GSE1: variants seen among roughly 807,000 people sequenced by gnomAD.
The protein encoded by GSE1 is Gse1 coiled-coil protein, also known as genetic suppressor element 1.
A neutral mutation model predicts 112.6 loss-of-function variants in GSE1; 32 were observed. That is an observed-to-expected ratio of 0.28 (90% CI 0.21 to 0.38). The LOEUF is 0.38. Among genes scored for constraint, GSE1 ranks in the 10% least tolerant of loss-of-function variants. GSE1 has a pLI of 1.00. For synonymous variants in GSE1, 1,115 were observed against 735.6 expected, an observed-to-expected ratio of 1.52 and a Z score of -8.35; for missense variants, 2,348 against 1,699.2, an observed-to-expected ratio of 1.38 and a Z score of -6.71.
intron 1 of GSE1, among the ~76,000 whole-genome samples, chr16:85,228,203 G>T (rs560402851): frequency 1.3e-5 from 2 of 152,258 alleles, no homozygotes; most frequent in Non-Finnish European, 2.9e-5. Flanking sequence ...CACTTGGCTC[G>T]CAGTGAAACA....
At chr16:85,249,223 G>C (rs1202124611) in intron 1 of GSE1, among the ~76,000 whole-genome samples, 1 of 152,242 alleles carries the variant, frequency 6.6e-6, no homozygotes, top group African/African-American at 2.4e-5. Context: ...CAGTAGCCCA[G>C]TATACCCAGC....
At chr16:85,267,701 C>G (rs561295101) in intron 1 of GSE1, among the ~76,000 whole-genome samples, 1 of 152,262 alleles carries the variant, frequency 6.6e-6, no homozygotes, top group South Asian at 2.1e-4. Flanking sequence ...TTTCCCTGAC[C>G]CCTGGGTTGT....
At chr16:85,364,990 G>A (rs977584258) in intron 2 of GSE1, among the ~76,000 whole-genome samples, 1 of 152,214 alleles carries the variant, frequency 6.6e-6, no homozygotes, top group Admixed American at 6.5e-5. Flanking sequence ...GGCTGTCTTC[G>A]AGGCTGTCTT....
At chr16:85,215,203 T>G (rs2075288589) in intron 1 of GSE1, among the ~76,000 whole-genome samples, 1 of 152,220 alleles carries the variant, frequency 6.6e-6, no homozygotes, top group South Asian at 2.1e-4. Context: ...CCCTGTGATT[T>G]GGGTCATTTA....
chr16:85,248,152 G>A (rs940242005), intron 1 of GSE1, among the ~76,000 whole-genome samples: 4 of 152,198 alleles, frequency 2.6e-5, no homozygotes, highest in Non-Finnish European at 5.9e-5. Context: ...TGCTCATCTT[G>A]TGGGGACCCC....
chr16:85,289,726 G>A lies in GSE1; in HGVS notation c.2284-67737G>A, dbSNP rs547382845. 1.1e-4 allele frequency among the ~76,000 whole-genome samples: 17 copies of A among 152,304 alleles called. No homozygotes were observed. The South Asian group carries it at 3.3e-3, about 30-fold the overall frequency. Reference sequence around the variant, plus strand: ...AGGCAACTCACGTTTGCTGGTGAAGGACATGGCAAGGTCCTGGGGCAGTCG... The same window carrying A: ...AGGCAACTCACGTTTGCTGGTGAAGAACATGGCAAGGTCCTGGGGCAGTCG... On this transcript the variant is annotated intron_variant, in intron 1 of 2. Transcript: ENST00000637419.
chr16:85,597,584 C>G (rs2151465772), intron 1 of GSE1, among the ~76,000 whole-genome samples: 1 of 152,192 alleles, frequency 6.6e-6, no homozygotes, highest in Admixed American at 6.5e-5. Context: ...ATCCTCCCAC[C>G]TCAGCCTCCC....
In GSE1 at chr16:85,665,167, C is replaced by T. The variant is rs2151979775; in HGVS notation, c.2758+39C>T. The T allele has an allele frequency of 3.2e-6, 4 of 1,254,776 alleles. No homozygotes were observed. In the South Asian group the frequency reaches 3.6e-5, roughly 11 times the overall value. 77.7% of individuals were successfully genotyped at this position (1,254,776 alleles called of 1,614,324 possible). A position where few individuals can be genotyped will look rare whatever the true frequency, so the allele number is the denominator to read the frequency against. On this transcript the variant is annotated intron_variant, in intron 12 of 15. Transcript: ENST00000253458. ...AGCCCCACCTGCCACCACCCAGGAC[C>T]ATCCCATGGGCTGCCCAGGCTCAGA...
intron 2 of GSE1, among the ~76,000 whole-genome samples, chr16:85,374,549 CG>C (rs2047377976): frequency 6.6e-6 from 1 of 151,226 alleles, no homozygotes; most frequent in Non-Finnish European, 1.5e-5. Flanking sequence ...TGTGTGCGCG[CG>C]CGCGTGCACA....
At chr16:85,321,792 TA>T (rs796199363) in intron 1 of GSE1, among the ~76,000 whole-genome samples, 10,289 of 135,692 alleles carry the variant, frequency 0.076, 354 homozygotes, top group Admixed American at 0.1. Flanking sequence ...GAGCCTGTCT[TA>T]AAAAAAAAAA....
chr16:85,298,861 G>A (rs1206185089), intron 1 of GSE1, among the ~76,000 whole-genome samples: 3 of 152,264 alleles, frequency 2.0e-5, no homozygotes, highest in East Asian at 3.8e-4. Flanking sequence ...GGGAGTGGGT[G>A]TGGGGGAGCA....
At chr16:85,203,274 C>T (rs932924467) in intron 1 of GSE1, among the ~76,000 whole-genome samples, 5 of 152,176 alleles carry the variant, frequency 3.3e-5, no homozygotes, top group African/African-American at 9.7e-5. Flanking sequence ...GCAACAGCTT[C>T]GCAGGGCATA....
At chr16:85,665,850 C>T in intron 12 of GSE1, 126 bp from the exon 13 acceptor site, 1 of 863,840 alleles carries the variant, frequency 1.2e-6, no homozygotes, top group East Asian at 2.5e-5. Flanking sequence ...TAAATGTTCC[C>T]CGGGTCTTGG....
chr16:85,534,444 T>C (rs372665255), intron 2 of GSE1, among the ~76,000 whole-genome samples: 2 of 152,300 alleles, frequency 1.3e-5, no homozygotes, highest in African/African-American at 2.4e-5. Context: ...TAAAACATTA[T>C]GGTAAAATAT....
At chr16:85,428,044 C>G (rs1463207125) in intron 2 of GSE1, among the ~76,000 whole-genome samples, 1 of 152,196 alleles carries the variant, frequency 6.6e-6, no homozygotes, top group African/African-American at 2.4e-5. Flanking sequence ...TGGCCCGTGG[C>G]TGCTGTATTG....
chr16:85,557,501 G>T (rs558762728), intron 1 of GSE1, among the ~76,000 whole-genome samples: 1 of 152,070 alleles, frequency 6.6e-6, no homozygotes, highest in Non-Finnish European at 1.5e-5. Context: ...AGAAGACGCT[G>T]CCCTGGAGCT....
At chr16:85,460,976 G>T (rs79629028) in intron 2 of GSE1, among the ~76,000 whole-genome samples, 5 of 152,206 alleles carry the variant, frequency 3.3e-5, no homozygotes, top group African/African-American at 1.2e-4. Flanking sequence ...GGAAGCAATT[G>T]TAACAGTCAC....
chr16:85,309,353 G>A (rs1293283529), intron 1 of GSE1, among the ~76,000 whole-genome samples: 1 of 151,938 alleles, frequency 6.6e-6, no homozygotes, highest in African/African-American at 2.4e-5. Flanking sequence ...TAAAAGCCAG[G>A]CATGGTGGCA....
At chr16:85,193,981 T>G (rs1022175024) in intron 1 of GSE1, among the ~76,000 whole-genome samples, 3 of 152,212 alleles carry the variant, frequency 2.0e-5, no homozygotes, top group South Asian at 2.1e-4. Context: ...GCGCGCGTGT[T>G]TGTGTGTGCG....
Sources: gnomAD v4.1 joint callset for allele counts (sites outside exome capture counted in the v4.1 genomes callset) on GRCh38, gnomAD v4.1.1 for gene constraint, MANE v1.5 for transcripts, NCBI Gene and HGNC (gene_info 2026-07-23, HGNC 2026-07-21) for gene names.